PTPRT: variants seen among roughly 807,000 people sequenced by gnomAD.
PTPRT encodes the protein protein tyrosine phosphatase receptor type T.
PTPRT carries 56 observed loss-of-function variants against 176.8 expected under a neutral mutation model. The ratio of observed to expected loss-of-function variants is 0.32; its 90% CI spans 0.26 to 0.40. The LOEUF (loss-of-function observed/expected upper bound fraction) is 0.40, where lower values mean the gene tolerates loss of function less well. Among genes scored for constraint, PTPRT ranks in the 10% least tolerant of loss-of-function variants. PTPRT has a pLI of 1.00. For synonymous variants in PTPRT, 783 were observed against 739.0 expected, an observed-to-expected ratio of 1.06 and a Z score of -0.96; for missense variants, 1,540 against 1,908.2, an observed-to-expected ratio of 0.81 and a Z score of 3.60.
intron 1 of PTPRT, among the ~76,000 whole-genome samples, chr20:43,070,368 C>T (rs939559086): frequency 3.3e-5 from 5 of 152,216 alleles, no homozygotes; most frequent in African/African-American, 1.2e-4. Context: ...CACTTTTACA[C>T]TGTTGGTGGG....
Position 42,572,919 on chromosome 20 carries a change from TTTG to T in PTPRT, c.1154-100360_1154-100358del, listed in dbSNP as rs1371189101. Among the ~76,000 whole-genome samples the T allele has an allele frequency of 8.3e-3, 1,150 of 138,146 alleles. 15 individuals are homozygous for T. Among genetic ancestry groups the T allele is most frequent in the African/African-American group, 0.034 (1,100 of 32,652 alleles). 90.6% of individuals were successfully genotyped at this position (138,146 alleles called of 152,430 possible). On this transcript the variant is annotated intron_variant, in intron 7 of 30. Coordinates refer to ENST00000373187, the MANE Select transcript of PTPRT (RefSeq NM_007050.6). ...TGACCTCTAACACTAGAGATAAGTT[TTTG>T]TTTTTTTTTTTTTTTAACATCTAAA...
chr20:42,768,651 G>A (rs1304506354), intron 5 of PTPRT, among the ~76,000 whole-genome samples: 3 of 152,130 alleles, frequency 2.0e-5, no homozygotes, highest in Non-Finnish European at 2.9e-5. Context: ...TGCGGTTTTC[G>A]CATTATTACC....
chr20:42,781,076 T>C (rs1175914005), intron 3 of PTPRT, among the ~76,000 whole-genome samples: 1 of 152,088 alleles, frequency 6.6e-6, no homozygotes, highest in African/African-American at 2.4e-5. Context: ...CGGCACAGTC[T>C]CTACCGACAG....
intron 7 of PTPRT, among the ~76,000 whole-genome samples, chr20:42,629,923 C>T (rs1229463802): frequency 6.6e-6 from 1 of 152,184 alleles, no homozygotes; most frequent in Admixed American, 6.5e-5. Flanking sequence ...GCTACAGAGT[C>T]TCAGCTGTGA....
At chr20:43,050,520 G>A (rs1987001931) in intron 1 of PTPRT, among the ~76,000 whole-genome samples, 1 of 152,164 alleles carries the variant, frequency 6.6e-6, no homozygotes, top group South Asian at 2.1e-4. Flanking sequence ...CCAGCCCTGG[G>A]CCAGTGGCTT....
intron 8 of PTPRT, among the ~76,000 whole-genome samples, chr20:42,470,317 C>G (rs2071171048): frequency 6.6e-6 from 1 of 152,192 alleles, no homozygotes; most frequent in African/African-American, 2.4e-5. Context: ...CTTAGGACAT[C>G]TGTGATGCAT....
At chr20:42,538,216 T>C (rs1000481063) in intron 7 of PTPRT, among the ~76,000 whole-genome samples, 2 of 152,050 alleles carry the variant, frequency 1.3e-5, no homozygotes, top group African/African-American at 2.4e-5. Flanking sequence ...CTCAGGGCTG[T>C]CTACCTTGCA....
Position 43,060,891 on chromosome 20 carries a change from G to T in PTPRT, c.88+128755C>A, listed in dbSNP as rs980598723. Among the ~76,000 whole-genome samples, 6 of 152,178 alleles carry T rather than the reference G, an allele frequency of 3.9e-5. No individual in the cohort carries two copies. The East Asian group carries it at 9.6e-4, about 24-fold the overall frequency. On this transcript the variant is annotated intron_variant, in intron 1 of 30. Coordinates refer to ENST00000373187, the MANE Select transcript of PTPRT (RefSeq NM_007050.6). ...CTGGGGTGACAGGTTGTGTATTTTG[G>T]TAAGATTATAGGTGTTACAGGAGTG...
At chr20:42,638,064 A>G (rs2074648254) in intron 7 of PTPRT, among the ~76,000 whole-genome samples, 1 of 152,166 alleles carries the variant, frequency 6.6e-6, no homozygotes, top group African/African-American at 2.4e-5. Flanking sequence ...AATCAGTCAC[A>G]GTAGGAATAT....
intron 15 of PTPRT, among the ~76,000 whole-genome samples, chr20:42,232,669 G>A (rs188897892): frequency 7.7e-4 from 116 of 149,880 alleles, no homozygotes; most frequent in African/African-American, 2.8e-3. Context: ...CAAACACCTC[G>A]CCTCCAGTCC....
chr20:42,841,680 A>C (rs8119663), intron 2 of PTPRT, among the ~76,000 whole-genome samples: 13,096 of 151,480 alleles, frequency 0.086, 705 homozygotes, highest in Admixed American at 0.15. Flanking sequence ...CTCCATTTTC[A>C]TAACTTCTTG....
rs115007001 is a variant in PTPRT, at chr20:42,586,644, C to T, written c.1153+91222G>A. Among the ~76,000 whole-genome samples the T allele has an allele frequency of 9.9e-3, 1,505 of 152,306 alleles. 24 individuals carry two copies. Among genetic ancestry groups the T allele is most frequent in the African/African-American group, 0.034 (1,412 of 41,568 alleles). On this transcript the variant is annotated intron_variant, in intron 7 of 30. Coordinates refer to ENST00000373187, the MANE Select transcript of PTPRT (RefSeq NM_007050.6). Reference sequence around the variant, plus strand: ...AATAACATTTTATTGGTATCTTGTACATCCGTTGGCATTGGCATTTATATT... The same window carrying T: ...AATAACATTTTATTGGTATCTTGTATATCCGTTGGCATTGGCATTTATATT...
intron 9 of PTPRT, among the ~76,000 whole-genome samples, chr20:42,400,807 A>G (rs190913791): frequency 6.6e-6 from 1 of 152,312 alleles, no homozygotes; most frequent in Admixed American, 6.5e-5. Flanking sequence ...GACATGATCA[A>G]ATGCACATCT....
At chr20:42,735,205 G>A (rs1310345256) in intron 6 of PTPRT, among the ~76,000 whole-genome samples, 1 of 152,148 alleles carries the variant, frequency 6.6e-6, no homozygotes, top group Non-Finnish European at 1.5e-5. Flanking sequence ...CTTGGGAATG[G>A]CCCTGGGAAA....
At chr20:42,142,272 A>G (rs780877216) in intron 17 of PTPRT, among the ~76,000 whole-genome samples, 67 of 152,288 alleles carry the variant, frequency 4.4e-4, no homozygotes, top group Admixed American at 1.6e-3. Context: ...TCATTGAATT[A>G]TTCATTCATA....
rs1467699575 is a variant in PTPRT, at chr20:42,099,550, G to GGGGT, written c.3715-999_3715-998insACCC. On this transcript the variant is annotated intron_variant, in intron 26 of 30. Coordinates refer to ENST00000373187, the MANE Select transcript of PTPRT (RefSeq NM_007050.6). Reference sequence around the variant, plus strand: ...GCCCAGAGAAAATGGCCTGGGCGGGGGGGGGGGGGGTGGGGTGGTCTGGCA... The same window carrying GGGGT: ...GCCCAGAGAAAATGGCCTGGGCGGGGGGGTGGGGGGGGGGTGGGGTGGTCTGGCA... Among the ~76,000 whole-genome samples, 163 of 71,312 alleles carry GGGGT rather than the reference G, an allele frequency of 2.3e-3. 9 individuals are homozygous for GGGGT. Among genetic ancestry groups the GGGGT allele is most frequent in the Non-Finnish European group, 4.0e-3 (121 of 30,390 alleles). 46.8% of individuals were successfully genotyped at this position (71,312 alleles called of 152,430 possible).
At chr20:42,992,064 T>A (rs1983940106) in intron 1 of PTPRT, among the ~76,000 whole-genome samples, 1 of 152,214 alleles carries the variant, frequency 6.6e-6, no homozygotes, top group African/African-American at 2.4e-5. Context: ...CTAGAAATTA[T>A]ATTGAAATAT....
intron 15 of PTPRT, among the ~76,000 whole-genome samples, chr20:42,217,839 T>C (rs974058788): frequency 6.6e-6 from 1 of 152,222 alleles, no homozygotes; most frequent in African/African-American, 2.4e-5. Flanking sequence ...GTTAGGTAAA[T>C]GTAACAGTTT....
At chr20:42,502,307 T>C (rs902472899) in intron 7 of PTPRT, among the ~76,000 whole-genome samples, 2 of 151,858 alleles carry the variant, frequency 1.3e-5, no homozygotes, top group African/African-American at 4.8e-5. Context: ...ACAATATCAA[T>C]ACATTTGAAA....
Sources: allele counts gnomAD v4.1 joint callset (sites outside exome capture counted in the v4.1 genomes callset), GRCh38; gene constraint gnomAD v4.1.1; transcripts MANE v1.5; gene names NCBI Gene and HGNC (gene_info 2026-07-23, HGNC 2026-07-21).